The following AGO2 variants were observed in gnomAD, a reference collection of about 807,000 sequenced individuals.
AGO2 encodes the protein protein argonaute-2.
A neutral mutation model predicts 102.3 loss-of-function variants in AGO2; 5 were observed. The observed-to-expected ratio is 0.05, with a 90% CI of 0.03 to 0.10. AGO2 has a LOEUF of 0.10. Among genes scored for constraint, AGO2 ranks in the 10% least tolerant of loss-of-function variants. AGO2 has a pLI of 1.00. For missense variants in AGO2, 541 were observed against 1,183.7 expected (o/e 0.46, Z 7.97); for synonymous variants, 449 against 473.1 (o/e 0.95, Z 0.66).
chr8:140,552,740 G>GCGCGCGCGCACACA (rs111262864), intron 10 of AGO2, among the ~76,000 whole-genome samples: 13 of 130,884 alleles, frequency 9.9e-5, no homozygotes, highest in African/African-American at 4.0e-4. Flanking sequence ...GCGCGCGCGC[G>GCGCGCGCGCACACA]CACACACACA....
chr8:140,544,506 T>C (rs986511738), intron 13 of AGO2, among the ~76,000 whole-genome samples: 1 of 152,080 alleles, frequency 6.6e-6, no homozygotes, highest in Non-Finnish European at 1.5e-5. Context: ...TAGCCACGGG[T>C]TGGGGGGCTT....
At chr8:140,564,759 G>A (rs1299544883) in intron 3 of AGO2, among the ~76,000 whole-genome samples, 2 of 151,886 alleles carry the variant, frequency 1.3e-5, no homozygotes, top group African/African-American at 4.8e-5. Flanking sequence ...CCTGGCCAAT[G>A]TGGCAAAACC....
At chr8:140,554,224 G>C (rs974291060) in intron 10 of AGO2, among the ~76,000 whole-genome samples, 13 of 152,222 alleles carry the variant, frequency 8.5e-5, no homozygotes, top group African/African-American at 3.1e-4. Flanking sequence ...ACTCATGAAG[G>C]GGGATCACGG....
At chr8:140,543,883 T>G (rs1443225587) in intron 14 of AGO2, among the ~76,000 whole-genome samples, 1 of 152,242 alleles carries the variant, frequency 6.6e-6, no homozygotes, top group East Asian at 1.9e-4. Flanking sequence ...GTTCTCATGC[T>G]GTGGGGGCAC....
chr8:140,633,049 A>G (rs1320998093), intron 1 of AGO2, among the ~76,000 whole-genome samples: 1 of 152,040 alleles, frequency 6.6e-6, no homozygotes, highest in East Asian at 1.9e-4. Flanking sequence ...AGTAGCTGGG[A>G]CTACAGGCGT....
intron 2 of AGO2, among the ~76,000 whole-genome samples, chr8:140,578,547 C>A (rs1411664889): frequency 1.3e-5 from 2 of 152,226 alleles, no homozygotes; most frequent in Non-Finnish European, 2.9e-5. Context: ...AGTGAGCAAG[C>A]GTCCCTGCTT....
At chr8:140,596,060 A>G (rs543814842) in intron 1 of AGO2, among the ~76,000 whole-genome samples, 28 of 144,724 alleles carry the variant, frequency 1.9e-4, no homozygotes, top group African/African-American at 6.7e-4. Context: ...TGTTGTCCAG[A>G]CTGGTCTCAA....
rs1220617243 is a variant in AGO2 at position 140,589,372 on chromosome 8, G to A, written c.23-4061C>T. On this transcript the variant is annotated intron_variant, in intron 1 of 18. Coordinates refer to ENST00000220592, the MANE Select transcript of AGO2 (RefSeq NM_012154.5). This position sits in a 1 kb window ranked among gnomAD's most constrained non-coding sequence, Gnocchi z 4.2. The stretch of plus-strand genomic sequence containing the variant: ...ACCGGCGGGTGAACCACAGGCCCGG[G>A]TCAGCACCCATAGGCTGCGCAGCTG... Among the ~76,000 whole-genome samples the A allele has an allele frequency of 6.6e-6, 1 of 152,090 alleles. No individual in the cohort carries two copies. The highest frequency in any genetic ancestry group is 1.5e-5 in the Non-Finnish European group (1 of 67,994).
intron 1 of AGO2, among the ~76,000 whole-genome samples, chr8:140,603,937 G>C (rs933138265): frequency 1.3e-5 from 2 of 152,238 alleles, no homozygotes; most frequent in African/African-American, 4.8e-5. Context: ...TGTGCCCTCT[G>C]CTGGGACTCC....
chr8:140,532,353 A>C, intron 18 of AGO2, 63 bp downstream of exon 18: 1 of 1,540,270 alleles, frequency 6.5e-7, no homozygotes, highest in Non-Finnish European at 8.8e-7. Flanking sequence ...CCAGAAAAGC[A>C]GCTGCCAATA....
chr8:140,579,893 C>T (rs1018951650), intron 2 of AGO2, among the ~76,000 whole-genome samples: 1 of 152,254 alleles, frequency 6.6e-6, no homozygotes, highest in African/African-American at 2.4e-5. Flanking sequence ...AGCCATGCTG[C>T]CTGGCCCCCT....
intron 2 of AGO2, among the ~76,000 whole-genome samples, chr8:140,576,096 T>C (rs1372184836): frequency 6.6e-6 from 1 of 152,156 alleles, no homozygotes; most frequent in Non-Finnish European, 1.5e-5. Context: ...GCGGATCACT[T>C]GGGATCAGGA....
rs900177939 is a variant in AGO2 at position 140,549,056 on chromosome 8, C to A, written c.1588+58G>T. ...AAACACAGAGGGGCTTAGGCAGGAA[C>A]AAACACCCACGGAGACCACGACGGC... On this transcript the variant is annotated intron_variant, in intron 12 of 18. Transcript: ENST00000220592. 2.0e-6 allele frequency: 3 copies of A among 1,531,102 alleles called. No homozygotes were observed. The African/African-American group carries it at 4.1e-5, about 21-fold the overall frequency. The allele number at this position is 1,531,102 out of a possible 1,614,324, so 94.8% of individuals were successfully genotyped here.
intron 16 of AGO2, among the ~76,000 whole-genome samples, chr8:140,538,472 C>A (rs1223469809): frequency 6.6e-6 from 1 of 152,210 alleles, no homozygotes; most frequent in Non-Finnish European, 1.5e-5. Context: ...ACACTTTTAA[C>A]CTGGGTCTCC....
intron 1 of AGO2, among the ~76,000 whole-genome samples, chr8:140,608,512 C>T (rs960049239): frequency 5.9e-5 from 9 of 152,234 alleles, no homozygotes; most frequent in Non-Finnish European, 1.2e-4. Flanking sequence ...CCTGAGCTGC[C>T]CGCAGCCGGC....
the AGO2 span, among the ~76,000 whole-genome samples, chr8:140,642,177 G>T: frequency 6.6e-6 from 1 of 152,212 alleles, no homozygotes; most frequent in African/African-American, 2.4e-5. Flanking sequence ...ACAATGGAGG[G>T]AGACAGCATA....
At chr8:140,611,213 G>T (rs1408306655) in intron 1 of AGO2, among the ~76,000 whole-genome samples, 1 of 152,212 alleles carries the variant, frequency 6.6e-6, no homozygotes. Flanking sequence ...ACCCTCAGAC[G>T]CTGGACTCAC....
At chr8:140,552,700 TCACATGCACATGAA>T (rs2073018598) in intron 10 of AGO2, among the ~76,000 whole-genome samples, 1 of 150,582 alleles carries the variant, frequency 6.6e-6, no homozygotes, top group Admixed American at 6.6e-5. Context: ...ACGCATGCAC[TCACATGCACATGAA>T]CACACGCACA....
In AGO2 at chr8:140,532,088, C is replaced by T; in HGVS notation, c.2536G>A (p.Val846Ile). 1 of 1,614,174 alleles carries T rather than the reference C, an allele frequency of 6.2e-7. No individual in the cohort carries two copies. Among genetic ancestry groups the T allele is most frequent in the Non-Finnish European group, 8.5e-7 (1 of 1,180,032 alleles). Residue 846 changes from valine (V) to isoleucine (I), a missense_variant, in exon 19 of 19, where the codon GTC becomes ATC. This residue lies in a region of AGO2 where 309 missense variants were observed against 735.1 expected (regional missense o/e 0.42). Transcript: ENST00000220592. Reference protein sequence around the residue: ...GRDHQALAKAVQVHQDTLRTM... With the variant: ...GRDHQALAKAIQVHQDTLRTM... Reference sequence around the variant, plus strand: ...CGCAGAGTGTCTTGGTGAACCTGGACCGCCTTGGCCAGTGCTTGGTGGTCT... The same window carrying T: ...CGCAGAGTGTCTTGGTGAACCTGGATCGCCTTGGCCAGTGCTTGGTGGTCT...
Sources: gnomAD v4.1 joint callset for allele counts (sites outside exome capture counted in the v4.1 genomes callset) on GRCh38, gnomAD v4.1.1 for gene constraint, gnomAD v4.1.1 regional missense constraint, Gnocchi (gnomAD v3.1) non-coding constraint, MANE v1.5 for transcripts, NCBI Gene and HGNC (gene_info 2026-07-23, HGNC 2026-07-21) for gene names.